The following COL22A1 variants were observed in gnomAD, a reference collection of about 807,000 sequenced individuals.
The protein encoded by COL22A1 is collagen alpha-1(XXII) chain.
Under a neutral mutation model 248.9 loss-of-function variants are expected in COL22A1, and 221 were observed. The ratio of observed to expected loss-of-function variants is 0.89; its 90% CI spans 0.80 to 0.99. COL22A1 has a LOEUF of 0.99. Among genes scored for constraint, COL22A1 ranks in the 50% least tolerant of loss-of-function variants. The pLI is 0.00. For synonymous variants in COL22A1, 891 were observed against 793.4 expected (o/e 1.12, Z -2.07); for missense variants, 2,240 against 2,179.0 (o/e 1.03, Z -0.56).
intron 18 of COL22A1, among the ~76,000 whole-genome samples, chr8:138,758,047 T>G (rs1451520755): frequency 1.3e-5 from 2 of 152,188 alleles, no homozygotes; most frequent in Non-Finnish European, 2.9e-5. Context: ...TCAGACTCCC[T>G]CCTTTCCCCC....
At chr8:138,891,879 T>A (rs1586979927) in intron 1 of COL22A1, among the ~76,000 whole-genome samples, 1 of 152,220 alleles carries the variant, frequency 6.6e-6, no homozygotes, top group African/African-American at 2.4e-5. Context: ...GAAGAAACTT[T>A]CAGTTAACCC....
At chr8:138,777,717 C>T (rs572816957) in intron 15 of COL22A1, among the ~76,000 whole-genome samples, 15 of 152,260 alleles carry the variant, frequency 9.9e-5, no homozygotes, top group African/African-American at 2.2e-4. Flanking sequence ...TTTATGGCTG[C>T]GTAGTATTCC....
intron 30 of COL22A1, among the ~76,000 whole-genome samples, chr8:138,714,892 T>C (rs897696485): frequency 6.6e-6 from 1 of 151,732 alleles, no homozygotes; most frequent in Non-Finnish European, 1.5e-5. Flanking sequence ...GATATAGGAG[T>C]CAGGGCACAT....
At position 138,637,452 on chromosome 8, in the gene COL22A1, G is replaced by A. The variant is rs78222912; in HGVS notation, c.3502-657C>T. On this transcript the variant is annotated intron_variant, in intron 47 of 64. Coordinates refer to ENST00000303045, the MANE Select transcript of COL22A1 (RefSeq NM_152888.3). ...TTCACTAAAACTGCTCAAGTTGTTC[G>A]TTTGTTTTGTAACCTACAAGAACAA... Among the ~76,000 whole-genome samples the A allele has an allele frequency of 6.8e-3, 1,033 of 152,230 alleles. 7 individuals are homozygous for A. Among genetic ancestry groups the A allele is most frequent in the African/African-American group, 0.024 (999 of 41,556 alleles).
intron 47 of COL22A1, among the ~76,000 whole-genome samples, chr8:138,643,711 A>ATT (rs966656765): frequency 1.3e-5 from 2 of 149,942 alleles, no homozygotes; most frequent in African/African-American, 4.9e-5. Flanking sequence ...ATTTTAAAAA[A>ATT]TTTTTTTTTC....
At position 138,755,051 on chromosome 8, in the gene COL22A1, G is replaced by T. The variant is rs562100237; in HGVS notation, c.2031+106C>A. 17 of 1,145,896 alleles carry T rather than the reference G, an allele frequency of 1.5e-5. No individual in the cohort carries two copies. In the East Asian group the frequency reaches 3.8e-4, roughly 26 times the overall value. 71.0% of individuals were successfully genotyped at this position (1,145,896 alleles called of 1,614,324 possible). ...CAACCCACTCAGGTGATGTGAAGGCGCTTGAGATAATGCCATGCTCAGCGC... is the reference window on the plus strand; with the variant it reads ...CAACCCACTCAGGTGATGTGAAGGCTCTTGAGATAATGCCATGCTCAGCGC... On this transcript the variant is annotated intron_variant, in intron 21 of 64. Coordinates refer to ENST00000303045, the MANE Select transcript of COL22A1 (RefSeq NM_152888.3).
intron 1 of COL22A1, among the ~76,000 whole-genome samples, chr8:138,911,221 C>A (rs904896221): frequency 3.9e-5 from 6 of 152,214 alleles, no homozygotes; most frequent in Non-Finnish European, 2.9e-5. Context: ...TGAAGCTCCT[C>A]CACTCATCCT....
chr8:138,848,438 G>A (rs541932512), intron 3 of COL22A1, among the ~76,000 whole-genome samples: 2 of 152,250 alleles, frequency 1.3e-5, no homozygotes, highest in East Asian at 3.9e-4. Context: ...GGAAAAACAC[G>A]TCCATTTTTT....
intron 41 of COL22A1, among the ~76,000 whole-genome samples, chr8:138,666,344 G>A (rs1824502067): frequency 6.6e-6 from 1 of 152,184 alleles, no homozygotes; most frequent in Non-Finnish European, 1.5e-5. Context: ...TATATGCCAG[G>A]AGTGGTCCTA....
intron 7 of COL22A1, among the ~76,000 whole-genome samples, chr8:138,813,269 C>A (rs2131707140): frequency 6.7e-6 from 1 of 148,640 alleles, no homozygotes; most frequent in South Asian, 2.2e-4. Flanking sequence ...ATTGTAGCTC[C>A]CATAATTCCC....
chr8:138,722,871 C>A (rs192254957), intron 25 of COL22A1, among the ~76,000 whole-genome samples: 526 of 33,480 alleles, frequency 0.016, 31 homozygotes, highest in Non-Finnish European at 0.028. Flanking sequence ...TGGTGGAAAA[C>A]ACACCCTGGG....
intron 36 of COL22A1, among the ~76,000 whole-genome samples, chr8:138,690,506 AC>A (rs1361053613): frequency 1.3e-5 from 2 of 152,126 alleles, no homozygotes. Context: ...CCGTCAGGGG[AC>A]CTTTGACTTC....
At chr8:138,727,880 C>A (rs1174588847) in intron 23 of COL22A1, among the ~76,000 whole-genome samples, 2 of 152,146 alleles carry the variant, frequency 1.3e-5, no homozygotes, top group Non-Finnish European at 2.9e-5. Flanking sequence ...TTTAAAGAAG[C>A]CTCCCGGCCT....
chr8:138,821,975 G>A (rs973707108), intron 6 of COL22A1, among the ~76,000 whole-genome samples: 7 of 152,184 alleles, frequency 4.6e-5, no homozygotes, highest in African/African-American at 1.7e-4. Context: ...TTCGGAAAAT[G>A]CACAGGCATT....
Position 138,755,207 on chromosome 8 carries a change from C to T in COL22A1, c.1981G>A (p.Ala661Thr), listed in dbSNP as rs776503746. 2.2e-5 allele frequency: 36 copies of T among 1,614,062 alleles called. No homozygotes were observed. In the South Asian group the frequency reaches 3.8e-4, roughly 17 times the overall value. The change falls in exon 21 of 65, where the codon GCT (alanine) becomes ACT (threonine). Residue 661 changes from alanine (A) to threonine (T), a missense_variant. Physicochemically the swap from Ala to Thr is moderately conservative, Grantham distance 58. Coordinates refer to ENST00000303045, the MANE Select transcript of COL22A1 (RefSeq NM_152888.3). ...QQEGLKGEQG[A>T]PGPRGHQGAP... ...CCTTGGTGACCTCTGGGTCCTGGAG[C>T]TCCCTGGTAACACAAGCCAAACAGA...
intron 16 of COL22A1, among the ~76,000 whole-genome samples, 186 bp downstream of exon 16, chr8:138,775,780 T>C (rs1006407662): frequency 6.6e-6 from 1 of 152,178 alleles, no homozygotes; most frequent in African/African-American, 2.4e-5. Context: ...ATTAACACTG[T>C]CTGCATCAGC....
chr8:138,892,104 A>C (rs1054018307), intron 1 of COL22A1, among the ~76,000 whole-genome samples: 3 of 152,196 alleles, frequency 2.0e-5, no homozygotes, highest in Non-Finnish European at 2.9e-5. Context: ...GGTTTCTTGT[A>C]ATGTCCTCAT....
At chr8:138,886,355 A>C (rs2132087387) in intron 1 of COL22A1, among the ~76,000 whole-genome samples, 1 of 152,252 alleles carries the variant, frequency 6.6e-6, no homozygotes, top group Non-Finnish European at 1.5e-5. Context: ...GCCGGCACAA[A>C]GCCCAGCACA....
intron 1 of COL22A1, among the ~76,000 whole-genome samples, chr8:138,903,270 G>A (rs898236721): frequency 6.6e-6 from 1 of 152,098 alleles, no homozygotes; most frequent in Non-Finnish European, 1.5e-5. Context: ...GCTATTAAAT[G>A]AAAGAGGCTG....
Sources: gnomAD v4.1 joint callset for allele counts (sites outside exome capture counted in the v4.1 genomes callset) on GRCh38, gnomAD v4.1.1 for gene constraint, MANE v1.5 for transcripts, NCBI Gene and HGNC (gene_info 2026-07-23, HGNC 2026-07-21) for gene names.